The following PDIA3 variants were observed in gnomAD, a reference collection of about 807,000 sequenced individuals.
PDIA3 encodes the protein protein disulfide-isomerase A3.
Under a neutral mutation model 56.9 loss-of-function variants are expected in PDIA3, and 16 were observed. That is an observed-to-expected ratio of 0.28 (90% CI 0.19 to 0.43). The LOEUF (loss-of-function observed/expected upper bound fraction) is 0.43. Among genes scored for constraint, PDIA3 ranks in the 20% least tolerant of loss-of-function variants. The pLI is 1.00. For synonymous variants in PDIA3, 192 were observed against 216.5 expected (o/e 0.89, Z 0.99); for missense variants, 485 against 621.3 (o/e 0.78, Z 2.33).
chr15:43,756,098 C>G (rs958191173), intron 2 of PDIA3, among the ~76,000 whole-genome samples: 1 of 151,970 alleles, frequency 6.6e-6, no homozygotes, highest in East Asian at 1.9e-4. Flanking sequence ...TGGCTCGTTC[C>G]GGGAAATTAT....
Position 43,746,458 on chromosome 15 carries a change from C to T in PDIA3, c.-82C>T, listed in dbSNP as rs1239888728. 53 of 1,307,170 alleles carry T rather than the reference C, an allele frequency of 4.1e-5. No homozygotes were observed. The highest frequency in any genetic ancestry group is 4.4e-5 in the Non-Finnish European group (44 of 995,288). The allele number at this position is 1,307,170 out of a possible 1,614,324, so 81.0% of individuals were successfully genotyped here. ...GGGCCAGACGCGCGAGCGCAAGCAG[C>T]GGGTTAGTGGTCGCGCGCCCGACCT... On this transcript the variant is annotated 5_prime_UTR_variant, in exon 1 of 13. Coordinates refer to ENST00000300289, the MANE Select transcript of PDIA3 (RefSeq NM_005313.5).
chr15:43,766,520 T>G (rs1358429824), intron 7 of PDIA3, among the ~76,000 whole-genome samples: 1 of 152,202 alleles, frequency 6.6e-6, no homozygotes, highest in Non-Finnish European at 1.5e-5. Context: ...GTTGATTGGG[T>G]ATCACCAATT....
intron 7 of PDIA3, 61 bp from the exon 8 acceptor site, chr15:43,766,667 G>A: frequency 7.4e-7 from 1 of 1,359,822 alleles, no homozygotes; most frequent in Non-Finnish European, 1.0e-6. Flanking sequence ...TTGCTTCTTA[G>A]TTTCAAAAGT....
intron 3 of PDIA3, 49 bp downstream of exon 3, chr15:43,756,815 C>G (rs1395369559): frequency 1.0e-6 from 1 of 985,612 alleles, no homozygotes; most frequent in Non-Finnish European, 1.6e-6. Context: ...GTACCTTATT[C>G]TTTGTAGTGG....
At position 43,753,180 on chromosome 15, in the gene PDIA3, C is replaced by T. The variant is rs534312970; in HGVS notation, c.168-644C>T. ...GCAACCTCCACCTCCCAGGTTCAAG[C>T]AATTCTCCTGCCTCAGCCTCCCGAT... On this transcript the variant is annotated intron_variant, in intron 1 of 12. Transcript: ENST00000300289. Among the ~76,000 whole-genome samples the T allele has an allele frequency of 1.5e-4, 23 of 151,802 alleles. No homozygotes were observed. In the South Asian group the frequency reaches 4.6e-3, roughly 30 times the overall value.
intron 9 of PDIA3, among the ~76,000 whole-genome samples, chr15:43,768,881 G>A (rs1319956804): frequency 6.6e-6 from 1 of 151,964 alleles, no homozygotes; most frequent in Non-Finnish European, 1.5e-5. Flanking sequence ...AAAATCAGCC[G>A]GGCATGGTGG....
At chr15:43,750,557 C>T (rs1478886951) in intron 1 of PDIA3, among the ~76,000 whole-genome samples, 6 of 150,876 alleles carry the variant, frequency 4.0e-5, no homozygotes, top group South Asian at 2.1e-4. Context: ...GGGTGGATCA[C>T]GAGGTCAAGA....
Position 43,756,701 on chromosome 15 carries a change from A to T in PDIA3, c.299A>T (p.Tyr100Phe), listed in dbSNP as rs1340874157. 6.2e-7 allele frequency: 1 copy of T among 1,610,912 alleles called. No homozygotes were observed. The highest frequency in any genetic ancestry group is 1.3e-5 in the African/African-American group (1 of 74,984). ...NTCNKYGVSGYPTLKIFRDGE... is the reference protein window; with the variant it reads ...NTCNKYGVSGFPTLKIFRDGE... ...TGTAATAAATATGGAGTCAGTGGAT[A>T]TCCAACCCTGAAGATATTTAGAGAT... is the stretch of plus-strand genomic sequence containing the variant. Residue 100 changes from tyrosine (Y) to phenylalanine (F), a missense_variant, in exon 3 of 13, where the codon TAT (tyrosine) becomes TTT (phenylalanine). Tyr to Phe is a conservative substitution (Grantham distance 22, BLOSUM62 3). Coordinates refer to ENST00000300289, the MANE Select transcript of PDIA3 (RefSeq NM_005313.5).
chr15:43,771,014 C>T, intron 12 of PDIA3, 91 bp from the exon 13 acceptor site: 1 of 794,064 alleles, frequency 1.3e-6, no homozygotes, highest in East Asian at 2.6e-5. Context: ...TGCTAATATG[C>T]TTTTACAAAC....
At chr15:43,770,435 G>A in intron 11 of PDIA3, 88 bp from the exon 12 acceptor site, 1 of 1,344,696 alleles carries the variant, frequency 7.4e-7, no homozygotes, top group East Asian at 2.3e-5. Context: ...TCAGTTGAAG[G>A]CAGAACCACT....
At chr15:43,762,676 G>A (rs534876019) in intron 4 of PDIA3, among the ~76,000 whole-genome samples, 2 of 152,252 alleles carry the variant, frequency 1.3e-5, no homozygotes, top group African/African-American at 4.8e-5. Context: ...TTTTCTAAAT[G>A]AGTAGTTCTG....
chr15:43,748,748 A>ATT (rs935150505), intron 1 of PDIA3, among the ~76,000 whole-genome samples: 29 of 147,746 alleles, frequency 2.0e-4, no homozygotes, highest in African/African-American at 6.8e-4. Context: ...ATTCCACTAC[A>ATT]TTTTTTTTGT....
chr15:43,763,687 A>AACAT lies in PDIA3; in HGVS notation c.602+483_602+486dup, dbSNP rs750459790. ...CTAGTAGAGGGAGATTGTATGCATG[A>AACAT]ACATATATAAAAATGAAAGTGTAAG... On this transcript the variant is annotated intron_variant, in intron 5 of 12. Transcript: ENST00000300289. Among the ~76,000 whole-genome samples, 220 of 152,318 alleles carry AACAT rather than the reference A, an allele frequency of 1.4e-3. 1 individual carries two copies. Among genetic ancestry groups the AACAT allele is most frequent in the Non-Finnish European group, 2.8e-3 (193 of 68,030 alleles).
At chr15:43,769,134 G>T (rs1596025675) in intron 9 of PDIA3, among the ~76,000 whole-genome samples, 4 of 152,268 alleles carry the variant, frequency 2.6e-5, no homozygotes, top group African/African-American at 9.6e-5. Flanking sequence ...TACTCTTGAG[G>T]ATAGAGCAAC....
At chr15:43,746,831 C>T in intron 1 of PDIA3, 125 bp downstream of exon 1, 2 of 1,086,862 alleles carry the variant, frequency 1.8e-6, no homozygotes. Context: ...CTGCGGCGGG[C>T]ACATTTCTCA....
chr15:43,773,195 C>T lies in PDIA3; in HGVS notation c.*1977C>T, dbSNP rs1167274262. 5.0e-6 allele frequency: 8 copies of T among 1,613,770 alleles called. No individual in the cohort carries two copies. The highest frequency in any genetic ancestry group is 1.3e-5 in the African/African-American group (1 of 74,870). On this transcript the variant is annotated 3_prime_UTR_variant, in exon 13 of 13. Coordinates refer to ENST00000300289, the MANE Select transcript of PDIA3 (RefSeq NM_005313.5). ...CAATTTCTGGTGAAGGTACTCACAG[C>T]GACGCTTTTCTTCTCTGTAACTTGG...
chr15:43,755,256 G>T (rs1204249463), intron 2 of PDIA3, among the ~76,000 whole-genome samples: 2 of 152,090 alleles, frequency 1.3e-5, no homozygotes, highest in Non-Finnish European at 2.9e-5. Flanking sequence ...GAACCCAGGG[G>T]GGCGGAGGTT....
intron 8 of PDIA3, among the ~76,000 whole-genome samples, chr15:43,767,760 ACT>A (rs1482503123): frequency 2.4e-5 from 3 of 123,716 alleles, no homozygotes; most frequent in African/African-American, 6.2e-5. Flanking sequence ...ACAGAGCAAG[ACT>A]CTGTCTCAAA....
chr15:43,746,500 G>T lies in PDIA3; in HGVS notation c.-40G>T. ...GCCCGACCTCCGCAGTCCCAGCCGA[G>T]CCGCGACCCTTCCGGCCGTCCCCAC... On this transcript the variant is annotated 5_prime_UTR_variant, in exon 1 of 13. Transcript: ENST00000300289. 1 of 1,516,798 alleles carries T rather than the reference G, an allele frequency of 6.6e-7. No homozygotes were observed. The highest frequency in any genetic ancestry group is 8.8e-7 in the Non-Finnish European group (1 of 1,131,906). The allele number at this position is 1,516,798 out of a possible 1,614,324, so 94.0% of individuals were successfully genotyped here.
Sources: allele counts gnomAD v4.1 joint callset (sites outside exome capture counted in the v4.1 genomes callset), GRCh38; gene constraint gnomAD v4.1.1; transcripts MANE v1.5; gene names NCBI Gene and HGNC (gene_info 2026-07-23, HGNC 2026-07-21).